The following MAP2K6 variants were observed in gnomAD, a reference collection of about 807,000 sequenced individuals.
MAP2K6 encodes mitogen-activated protein kinase kinase 6.
In MAP2K6, 16 loss-of-function variants were observed where a neutral mutation model predicts 53.7. The ratio of observed to expected loss-of-function variants is 0.30; its 90% confidence interval spans 0.20 to 0.45. The LOEUF is 0.45. MAP2K6 is among the 20% of genes least tolerant of loss of function. The probability of loss-of-function intolerance (pLI) is 1.00; values close to 1 mark genes in which losing one functional copy is unlikely to be tolerated. For missense variants in MAP2K6, 204 were observed against 411.9 expected (o/e 0.50, Z 4.37); for synonymous variants, 132 against 143.1 (o/e 0.92, Z 0.55).
At chr17:69,445,551 GAT>G (rs1906942418) in intron 1 of MAP2K6, among the ~76,000 whole-genome samples, 1 of 152,200 alleles carries the variant, frequency 6.6e-6, no homozygotes, top group Non-Finnish European at 1.5e-5. Flanking sequence ...TTGTTTTGTA[GAT>G]GGGAAAACTT....
In MAP2K6 at chr17:69,448,886, G is replaced by C. The variant is rs928611328; in HGVS notation, c.16+33886G>C. 5.3e-5 allele frequency among the ~76,000 whole-genome samples: 8 copies of C among 152,292 alleles called. No individual in the cohort carries two copies. In the East Asian group the frequency reaches 7.7e-4, roughly 15 times the overall value. ...CACACTGAAGTTGTTAAAAATAAAGGCTTCCTTGACAACGGAGGTGTTAGT... is the reference window on the plus strand; with the variant it reads ...CACACTGAAGTTGTTAAAAATAAAGCCTTCCTTGACAACGGAGGTGTTAGT... On this transcript the variant is annotated intron_variant, in intron 1 of 11. Coordinates refer to ENST00000590474, the MANE Select transcript of MAP2K6 (RefSeq NM_002758.4).
chr17:69,433,509 G>A (rs1253980443), intron 1 of MAP2K6: 2 of 152,270 alleles, frequency 1.3e-5, no homozygotes, highest in Non-Finnish European at 2.9e-5. Context: ...TGCTGATTGA[G>A]TGGGTCTGTT....
chr17:69,541,697 C>T lies in MAP2K6; in HGVS notation c.949C>T (p.His317Tyr), dbSNP rs149844958. The T allele has an allele frequency of 1.2e-6, 2 of 1,612,500 alleles. No individual in the cohort carries two copies. Among genetic ancestry groups the T allele is most frequent in the Non-Finnish European group, 1.7e-6 (2 of 1,178,906 alleles). The change falls in exon 12 of 12, where the codon CAT (histidine) becomes TAT (tyrosine). Residue 317 changes from histidine to tyrosine, a missense_variant. Transcript: ENST00000590474. ...ELMQHPFFTL[H>Y]ESKGTDVASF... is the part of the protein sequence containing the mutation. The stretch of plus-strand genomic sequence containing the variant: ...CCAGCAACATCCATTTTTCACCCTA[C>T]ATGAATCCAAAGGAACAGATGTGGC...
chr17:69,499,998 T>C (rs1909090282), intron 1 of MAP2K6, among the ~76,000 whole-genome samples: 1 of 152,180 alleles, frequency 6.6e-6, no homozygotes, highest in Non-Finnish European at 1.5e-5. Context: ...GAAGGTTCTA[T>C]GAGGGAGGTT....
At chr17:69,463,326 A>T (rs557516509) in intron 1 of MAP2K6, among the ~76,000 whole-genome samples, 2 of 149,796 alleles carry the variant, frequency 1.3e-5, no homozygotes, top group South Asian at 4.2e-4. Flanking sequence ...ATCACTATAT[A>T]ATAGTGAATA....
intron 9 of MAP2K6, among the ~76,000 whole-genome samples, chr17:69,526,120 C>A (rs1161987347): frequency 6.6e-6 from 1 of 152,164 alleles, no homozygotes; most frequent in Non-Finnish European, 1.5e-5. Flanking sequence ...AAAAAAAGAT[C>A]TGTCATTTGG....
intron 11 of MAP2K6, among the ~76,000 whole-genome samples, chr17:69,538,677 T>C (rs998243252): frequency 4.6e-5 from 7 of 152,224 alleles, no homozygotes; most frequent in Non-Finnish European, 8.8e-5. Context: ...GTCCCTCTTA[T>C]AGAAATCCCA....
intron 9 of MAP2K6, 96 bp from the exon 10 acceptor site, chr17:69,526,474 T>G (rs1910775914): frequency 7.3e-7 from 1 of 1,363,878 alleles, no homozygotes; most frequent in African/African-American, 1.4e-5. Flanking sequence ...GAACTTTGCC[T>G]TGTGTTTCCT....
At chr17:69,539,585 AAATGGAAAG>A (rs1911515559) in intron 11 of MAP2K6, among the ~76,000 whole-genome samples, 1 of 152,174 alleles carries the variant, frequency 6.6e-6, no homozygotes, top group South Asian at 2.1e-4. Flanking sequence ...ACCTGGGAAT[AAATGGAAAG>A]ATGCCTAGCG....
At chr17:69,433,391 A>G (rs563611538) in intron 1 of MAP2K6, 1 of 152,356 alleles carries the variant, frequency 6.6e-6, no homozygotes, top group East Asian at 1.9e-4. Context: ...GAGCCCTTAT[A>G]GTCTTCCTAT....
chr17:69,502,040 C>A, intron 1 of MAP2K6: 1 of 459,570 alleles, frequency 2.2e-6, no homozygotes, highest in Non-Finnish European at 2.8e-6. Context: ...GTTTTTCTTT[C>A]TTTTAAGAAA....
At chr17:69,464,761 G>T (rs1335870798) in intron 1 of MAP2K6, among the ~76,000 whole-genome samples, 3 of 152,112 alleles carry the variant, frequency 2.0e-5, no homozygotes, top group African/African-American at 4.8e-5. Context: ...TGTTGCCCCA[G>T]CTGGAGTGCA....
rs377158572 is a variant in MAP2K6, at chr17:69,481,766, A to G, written c.17-24014A>G. ...CATATTAGATGAGAACCCATCCTAA[A>G]TACCATATCTTAACTTAGTTACCTC... is the stretch of plus-strand genomic sequence containing the variant. On this transcript the variant is annotated intron_variant, in intron 1 of 11. Coordinates refer to ENST00000590474, the MANE Select transcript of MAP2K6 (RefSeq NM_002758.4). 4.6e-5 allele frequency among the ~76,000 whole-genome samples: 7 copies of G among 152,288 alleles called. No homozygotes were observed. In the East Asian group the frequency reaches 1.3e-3, roughly 29 times the overall value.
chr17:69,553,563 C>T lies in MAP2K6; in HGVS notation c.*11810C>T, dbSNP rs1272334052. ...ATACTGCTGAGGAGAAAGGAACAAG[C>T]TGCAGACACTGTAACTGGTCTCCAG... On this transcript the variant is annotated 3_prime_UTR_variant, in exon 12 of 12. Coordinates refer to ENST00000590474, the MANE Select transcript of MAP2K6 (RefSeq NM_002758.4). 1 of 152,236 alleles carries T rather than the reference C, an allele frequency of 6.6e-6. No individual in the cohort carries two copies. Among genetic ancestry groups the T allele is most frequent in the East Asian group, 1.9e-4 (1 of 5,200 alleles). 9.4% of individuals were successfully genotyped at this position (152,236 alleles called of 1,614,324 possible).
In MAP2K6 at chr17:69,448,656, T is replaced by C. The variant is rs558183236; in HGVS notation, c.16+33656T>C. ...TCTTGACCCCCTGTGGCTCACTCTTTTAGCCATCCCCAGGTAATGAGAAGG... is the reference window on the plus strand; with the variant it reads ...TCTTGACCCCCTGTGGCTCACTCTTCTAGCCATCCCCAGGTAATGAGAAGG... On this transcript the variant is annotated intron_variant, in intron 1 of 11. Transcript: ENST00000590474. Among the ~76,000 whole-genome samples the C allele has an allele frequency of 3.4e-4, 52 of 152,272 alleles. No individual in the cohort carries two copies. The South Asian group carries it at 9.1e-3, about 27-fold the overall frequency.
At chr17:69,438,804 TG>T (rs1292604503) in intron 1 of MAP2K6, among the ~76,000 whole-genome samples, 7 of 152,256 alleles carry the variant, frequency 4.6e-5, no homozygotes, top group Admixed American at 3.9e-4. Context: ...AGGCTGATAT[TG>T]AACTCCTCGG....
chr17:69,448,799 T>C (rs1210173357), intron 1 of MAP2K6, among the ~76,000 whole-genome samples: 1 of 152,172 alleles, frequency 6.6e-6, no homozygotes, highest in African/African-American at 2.4e-5. Context: ...TTGCCGGAGG[T>C]GGAGTTGCCT....
chr17:69,525,813 C>T (rs1910741804), intron 9 of MAP2K6, among the ~76,000 whole-genome samples: 1 of 152,190 alleles, frequency 6.6e-6, no homozygotes, highest in Non-Finnish European at 1.5e-5. Context: ...GGTGGGGACA[C>T]AGCCCAACCG....
chr17:69,426,016 T>G (rs1191908439), intron 1 of MAP2K6, among the ~76,000 whole-genome samples: 1 of 152,114 alleles, frequency 6.6e-6, no homozygotes, highest in African/African-American at 2.4e-5. Context: ...AAAGAGGACT[T>G]GGATAAGGAG....
Sources: allele counts gnomAD v4.1 joint callset (sites outside exome capture counted in the v4.1 genomes callset), GRCh38; gene constraint gnomAD v4.1.1; transcripts MANE v1.5; gene names NCBI Gene and HGNC (gene_info 2026-07-23, HGNC 2026-07-21).